RALY: variants seen among roughly 807,000 people sequenced by gnomAD.
RALY encodes RALY heterogeneous nuclear ribonucleoprotein, also known as RNA-binding protein Raly.
Under a neutral mutation model 30.7 loss-of-function variants are expected in RALY, and 15 were observed. That is an observed-to-expected ratio of 0.49 (90% confidence interval 0.33 to 0.75). The LOEUF (loss-of-function observed/expected upper bound fraction) is 0.75. Ranked by LOEUF, RALY falls within the 30% of genes least tolerant of loss-of-function variation. The probability of loss-of-function intolerance (pLI) is 0.02; values close to 1 mark genes in which losing one functional copy is unlikely to be tolerated. For synonymous variants in RALY, 177 were observed against 170.8 expected (o/e 1.04, Z -0.28); for missense variants, 339 against 414.3 (o/e 0.82, Z 1.58).
At chr20:34,040,581 A>G (rs1027264115) in intron 2 of RALY, among the ~76,000 whole-genome samples, 4 of 152,222 alleles carry the variant, frequency 2.6e-5, no homozygotes, top group East Asian at 1.9e-4. Context: ...AGTCTTCCCT[A>G]CCTATCATGT....
At chr20:34,038,443 G>T (rs984131274) in intron 2 of RALY, among the ~76,000 whole-genome samples, 1 of 152,122 alleles carries the variant, frequency 6.6e-6, no homozygotes, top group African/African-American at 2.4e-5. Flanking sequence ...GGGACAGATT[G>T]GGGGGTGCTC....
chr20:34,039,740 AG>A (rs1278749503), intron 2 of RALY, among the ~76,000 whole-genome samples: 28 of 152,322 alleles, frequency 1.8e-4, no homozygotes, highest in African/African-American at 5.1e-4. Flanking sequence ...GAAAGACTAC[AG>A]GCTTGACAAA....
In RALY at chr20:34,077,063, G is replaced by A. The variant is rs779745009; in HGVS notation, c.694G>A (p.Gly232Ser). 3.2e-3 allele frequency: 5,181 copies of A among 1,603,532 alleles called. 138 individuals are homozygous for A. In the South Asian group the frequency reaches 0.044, roughly 14 times the overall value. ...KKKGDGGGAG[G>S]GGGGGGSGGG... ...GAAGGGTGATGGAGGTGGCGCCGGCGGCGGCGGCGGTGGTGGTGGCAGCGG... is the reference window on the plus strand; with the variant it reads ...GAAGGGTGATGGAGGTGGCGCCGGCAGCGGCGGCGGTGGTGGTGGCAGCGG... Residue 232 changes from glycine (G) to serine (S), a missense_variant, in exon 8 of 10, where the codon GGC becomes AGC. By Grantham distance (56) the Gly-to-Ser change is moderately conservative. This residue lies in a region of RALY where 268 missense variants were observed against 280.6 expected (regional missense o/e 0.95). Coordinates refer to ENST00000246194, the MANE Select transcript of RALY (RefSeq NM_016732.3).
intron 1 of RALY, among the ~76,000 whole-genome samples, chr20:34,012,474 C>T (rs564188711): frequency 3.4e-5 from 4 of 118,836 alleles, no homozygotes; most frequent in East Asian, 2.8e-4. Flanking sequence ...TCCTTTCCTC[C>T]GCCTCCTTTC....
chr20:34,028,785 A>G (rs1302430817), intron 1 of RALY, among the ~76,000 whole-genome samples: 2 of 150,890 alleles, frequency 1.3e-5, no homozygotes, highest in Non-Finnish European at 2.9e-5. Context: ...TCATAGATTC[A>G]CTAGGCCTTG....
chr20:34,051,547 C>CA (rs1319076007), intron 2 of RALY, among the ~76,000 whole-genome samples: 1 of 152,142 alleles, frequency 6.6e-6, no homozygotes, highest in Non-Finnish European at 1.5e-5. Context: ...TATCCTATCT[C>CA]ATAGGATAGC....
At chr20:34,038,783 T>C (rs2032592983) in intron 2 of RALY, among the ~76,000 whole-genome samples, 2 of 152,222 alleles carry the variant, frequency 1.3e-5, no homozygotes, top group South Asian at 4.1e-4. Flanking sequence ...TTTGCTCATA[T>C]ACAAAATGGG....
Position 34,058,293 on chromosome 20 carries a change from A to G in RALY, c.-9-13773A>G, listed in dbSNP as rs184824956. ...TTGGCTTTCGTTTGATGCTTAGCTT[A>G]TGGTAGCAGGGCATCTTGGACATAA... is the stretch of plus-strand genomic sequence containing the variant. On this transcript the variant is annotated intron_variant, in intron 2 of 9. Coordinates refer to ENST00000246194, the MANE Select transcript of RALY (RefSeq NM_016732.3). Among the ~76,000 whole-genome samples, 40 of 152,248 alleles carry G rather than the reference A, an allele frequency of 2.6e-4. No individual in the cohort carries two copies. The South Asian group carries it at 2.7e-3, about 10-fold the overall frequency.
At chr20:34,073,513 G>A (rs750232384) in intron 3 of RALY, 50 bp from the exon 4 acceptor site, 1 of 1,490,026 alleles carries the variant, frequency 6.7e-7, no homozygotes, top group Non-Finnish European at 9.4e-7. Context: ...TGATGTGTGT[G>A]GGCACACTGT....
chr20:34,050,941 G>A (rs1423246995), intron 2 of RALY, among the ~76,000 whole-genome samples: 2 of 152,216 alleles, frequency 1.3e-5, no homozygotes, highest in African/African-American at 4.8e-5. Context: ...CTGTCAGACA[G>A]CCTAGAGAGT....
At chr20:34,036,607 A>G (rs537443552) in intron 2 of RALY, among the ~76,000 whole-genome samples, 1 of 152,194 alleles carries the variant, frequency 6.6e-6, no homozygotes, top group Middle Eastern at 3.2e-3. Flanking sequence ...AAGGATTGGT[A>G]TTATTTCTTC....
chr20:34,042,982 A>G (rs922685835), intron 2 of RALY, among the ~76,000 whole-genome samples: 2 of 152,258 alleles, frequency 1.3e-5, no homozygotes, highest in South Asian at 2.1e-4. Context: ...TTAACATACA[A>G]TCACTAAAAA....
intron 2 of RALY, among the ~76,000 whole-genome samples, chr20:34,052,814 T>G (rs1433063579): frequency 6.6e-6 from 1 of 152,150 alleles, no homozygotes; most frequent in African/African-American, 2.4e-5. Context: ...TACTAAGAAC[T>G]AAGCTCTGAC....
intron 2 of RALY, among the ~76,000 whole-genome samples, chr20:34,044,479 C>A (rs1335837534): frequency 6.6e-6 from 1 of 152,094 alleles, no homozygotes; most frequent in South Asian, 2.1e-4. Flanking sequence ...CACCACCACA[C>A]CCGGCTAATT....
intron 2 of RALY, among the ~76,000 whole-genome samples, chr20:34,063,706 A>G (rs1039909179): frequency 6.6e-6 from 1 of 152,214 alleles, no homozygotes; most frequent in Non-Finnish European, 1.5e-5. Context: ...TTCCAGCTCT[A>G]TGTACAGGAG....
Position 34,060,120 on chromosome 20 carries a change from C to T in RALY, c.-9-11946C>T, listed in dbSNP as rs185249057. 9.3e-4 allele frequency among the ~76,000 whole-genome samples: 141 copies of T among 152,242 alleles called. 1 individual carries two copies. The highest frequency in any genetic ancestry group is 1.1e-3 in the Admixed American group (17 of 15,304). On this transcript the variant is annotated intron_variant, in intron 2 of 9. Transcript: ENST00000246194. The stretch of plus-strand genomic sequence containing the variant: ...GGTGAGACACTTGAAGAGACTTTAT[C>T]GCATCCACCGTGATAGTATTTTTTT...
intron 2 of RALY, among the ~76,000 whole-genome samples, chr20:34,032,740 A>T (rs1601443304): frequency 6.6e-6 from 1 of 152,136 alleles, no homozygotes; most frequent in African/African-American, 2.4e-5. Flanking sequence ...CTGGGAATCT[A>T]TAAAGTTGAT....
At chr20:34,013,904 A>G (rs1337413312) in intron 1 of RALY, among the ~76,000 whole-genome samples, 2 of 152,320 alleles carry the variant, frequency 1.3e-5, no homozygotes, top group East Asian at 1.9e-4. Flanking sequence ...GTTGAGTGCT[A>G]CAGATGAAAT....
chr20:34,057,484 G>A (rs1030165037), intron 2 of RALY, among the ~76,000 whole-genome samples: 5 of 152,100 alleles, frequency 3.3e-5, no homozygotes, highest in Non-Finnish European at 7.4e-5. Context: ...TGGCTAACAC[G>A]GTGAAACCCT....
Sources: gnomAD v4.1 joint callset for allele counts (sites outside exome capture counted in the v4.1 genomes callset) on GRCh38, gnomAD v4.1.1 for gene constraint, gnomAD v4.1.1 regional missense constraint, MANE v1.5 for transcripts, NCBI Gene and HGNC (gene_info 2026-07-23, HGNC 2026-07-21) for gene names.